SLC12A9: variants seen among roughly 807,000 people sequenced by gnomAD.
SLC12A9 encodes solute carrier family 12 member 9.
A neutral mutation model predicts 66.0 loss-of-function variants in SLC12A9; 55 were observed. The observed-to-expected ratio is 0.83, with a 90% confidence interval of 0.67 to 1.04. SLC12A9 has a LOEUF of 1.04. Ranked by LOEUF, SLC12A9 falls within the 50% of genes least tolerant of loss-of-function variation. The pLI is 0.00. For synonymous variants in SLC12A9, 577 were observed against 569.0 expected (o/e 1.01, Z -0.20); for missense variants, 1,061 against 1,241.9 (o/e 0.85, Z 2.19).
chr7:100,865,725 T>A lies in SLC12A9; in HGVS notation c.1865T>A (p.Met622Lys). The change falls in exon 14 of 14, where the codon ATG becomes AAG. Residue 622 changes from methionine to lysine, a missense_variant. Coordinates refer to ENST00000354161, the MANE Select transcript of SLC12A9 (RefSeq NM_020246.4). Reference sequence around the variant, plus strand: ...TTCCCCGCTCTGCCCCCAGGTGGCATGAAGCCCAACACGTTGGTCCTAGGT... The same window carrying A: ...TTCCCCGCTCTGCCCCCAGGTGGCAAGAAGCCCAACACGTTGGTCCTAGGT... Reference protein sequence around the residue: ...HLLRISGLGGMKPNTLVLGFY... With the variant: ...HLLRISGLGGKKPNTLVLGFY... The A allele has an allele frequency of 1.9e-6, 3 of 1,606,684 alleles. No individual in the cohort carries two copies. Among genetic ancestry groups the A allele is most frequent in the African/African-American group, 1.3e-5 (1 of 74,846 alleles).
At position 100,856,497 on chromosome 7, in the gene SLC12A9, G is replaced by A. The variant is rs113204787; in HGVS notation, c.449-371G>A. The A allele has an allele frequency of 4.0e-3, 738 of 183,338 alleles. 5 individuals carry two copies. Among genetic ancestry groups the A allele is most frequent in the African/African-American group, 0.016 (689 of 42,188 alleles). 11.4% of individuals were successfully genotyped at this position (183,338 alleles called of 1,614,324 possible). A position where few individuals can be genotyped will look rare whatever the true frequency, so the allele number is the denominator to read the frequency against. The stretch of plus-strand genomic sequence containing the variant: ...TGTTGGGATTACAGGCGTGAGCCCC[G>A]GCGCCCTGCCCCTTCTTCTTTTTTT... On this transcript the variant is annotated intron_variant, in intron 4 of 13. Transcript: ENST00000354161.
intron 1 of SLC12A9, 72 bp from the exon 2 acceptor site, chr7:100,854,084 T>C (rs1430198665): frequency 1.0e-6 from 1 of 991,062 alleles, no homozygotes; most frequent in Admixed American, 3.0e-5. Context: ...CTTCAGGGTG[T>C]TTGATTAGTG....
chr7:100,855,533 G>A (rs1466792592), intron 3 of SLC12A9, 173 bp from the exon 4 acceptor site: 1 of 761,092 alleles, frequency 1.3e-6, no homozygotes, highest in African/African-American at 1.7e-5. Flanking sequence ...CATCTGTTAG[G>A]CAGTGATTGT....
At chr7:100,832,584 A>G (rs911465681) in intron 1 of SLC12A9, among the ~76,000 whole-genome samples, 13 of 152,308 alleles carry the variant, frequency 8.5e-5, no homozygotes, top group African/African-American at 2.2e-4. Flanking sequence ...CAAAATCATC[A>G]TATGAAGAGA....
intron 1 of SLC12A9, among the ~76,000 whole-genome samples, chr7:100,831,936 T>C (rs188110501): frequency 2.0e-5 from 3 of 152,292 alleles, no homozygotes; most frequent in East Asian, 1.9e-4. Context: ...GTTTTGAAGG[T>C]GAGTTTCAGC....
At chr7:100,832,290 A>G (rs904158733) in intron 1 of SLC12A9, among the ~76,000 whole-genome samples, 1 of 152,188 alleles carries the variant, frequency 6.6e-6, no homozygotes. Context: ...GGATTGCTTG[A>G]GTCCTGGAGT....
rs1481716944 is a variant in SLC12A9 at position 100,839,550 on chromosome 7, C to G, written n.228+12503C>G. The stretch of plus-strand genomic sequence containing the variant: ...GGCTTAAGCCTGCCGTGTGGAACAT[C>G]CCTGCGGGCGACTCTAACTAGCCCG... On this transcript the variant is annotated intron_variant and non_coding_transcript_variant, in intron 1 of 1. Transcript: ENST00000461016. Among the ~76,000 whole-genome samples the G allele has an allele frequency of 1.2e-4, 18 of 152,198 alleles. 1 individual carries two copies. The highest frequency in any genetic ancestry group is 4.4e-5 in the Non-Finnish European group (3 of 68,026).
chr7:100,845,684 C>G (rs1159401282), intron 1 of SLC12A9, among the ~76,000 whole-genome samples: 1 of 152,166 alleles, frequency 6.6e-6, no homozygotes, highest in East Asian at 1.9e-4. Context: ...TTCCTACTGC[C>G]CATAAAAACA....
chr7:100,857,136 C>T lies in SLC12A9; in HGVS notation c.717C>T (p.Phe239=), dbSNP rs1178882913. The change falls in exon 5 of 14, where the codon TTC becomes TTT. Residue 239 remains phenylalanine (F), a synonymous_variant. Coordinates refer to ENST00000354161, the MANE Select transcript of SLC12A9 (RefSeq NM_020246.4). ...CCCTGCCGCCCCGGTTTGGCCACTT[C>T]ACCGGCTTCAACAGCAGTACCCTGA... ...GSSLPPRFGH[F]TGFNSSTLKD... 2 of 1,614,094 alleles carry T rather than the reference C, an allele frequency of 1.2e-6. No individual in the cohort carries two copies. Among genetic ancestry groups the T allele is most frequent in the East Asian group, 2.2e-5 (1 of 44,878 alleles).
At chr7:100,855,489 T>G in intron 3 of SLC12A9, 1 of 555,578 alleles carries the variant, frequency 1.8e-6, no homozygotes, top group Non-Finnish European at 3.2e-6. Flanking sequence ...AACATTGCCC[T>G]GCACGTTGAT....
chr7:100,862,298 A>G (rs1392866725), intron 12 of SLC12A9, among the ~76,000 whole-genome samples: 2 of 150,036 alleles, frequency 1.3e-5, no homozygotes, highest in Admixed American at 1.3e-4. Flanking sequence ...TTGCTCTGTC[A>G]CCCAGGCTGG....
intron 7 of SLC12A9, chr7:100,859,657 G>A (rs1045714865): frequency 1.3e-5 from 7 of 546,472 alleles, no homozygotes; most frequent in South Asian, 7.5e-5. Context: ...GCTGCAGTGA[G>A]CTATGATTAC....
intron 1 of SLC12A9, among the ~76,000 whole-genome samples, chr7:100,834,980 G>A (rs749203987): frequency 1.4e-4 from 22 of 151,858 alleles, no homozygotes; most frequent in Non-Finnish European, 2.9e-4. Flanking sequence ...GCAGTGAGCC[G>A]CCGTGATCAC....
intron 5 of SLC12A9, 198 bp downstream of exon 5, chr7:100,857,374 A>G (rs1430801272): frequency 1.6e-6 from 1 of 621,072 alleles, no homozygotes; most frequent in South Asian, 2.1e-5. Flanking sequence ...CCCACAAAAC[A>G]GTCCCTGCTT....
intron 1 of SLC12A9, among the ~76,000 whole-genome samples, chr7:100,837,860 T>TG (rs1562981204): frequency 3.4e-4 from 47 of 139,426 alleles, no homozygotes; most frequent in African/African-American, 1.3e-3. Context: ...AATTTTTTTT[T>TG]TTTTTTTTTT....
intron 5 of SLC12A9, chr7:100,857,963 A>C (rs1309282255): frequency 6.6e-6 from 1 of 152,148 alleles, no homozygotes; most frequent in Non-Finnish European, 1.5e-5. Context: ...TAAAAATACA[A>C]AAATTAGCCA....
At chr7:100,827,167 G>T in intron 1 of SLC12A9, 1 of 848,130 alleles carries the variant, frequency 1.2e-6, no homozygotes, top group Non-Finnish European at 1.6e-6. Flanking sequence ...GGGCCCATGC[G>T]AGCGTGCGGG....
chr7:100,851,805 AAGG>A (rs1416881175), upstream of SLC12A9, among the ~76,000 whole-genome samples: 2 of 150,804 alleles, frequency 1.3e-5, no homozygotes, highest in Non-Finnish European at 3.0e-5. Context: ...AAAAAAAAAA[AAGG>A]AAATGTATCT....
chr7:100,852,275 G>GC (rs1263257633), upstream of SLC12A9, among the ~76,000 whole-genome samples: 1 of 152,234 alleles, frequency 6.6e-6, no homozygotes, highest in Non-Finnish European at 1.5e-5. Flanking sequence ...CGGGTGAGGG[G>GC]CGAGGCTGGG....
Sources: gnomAD v4.1 joint callset for allele counts (sites outside exome capture counted in the v4.1 genomes callset) on GRCh38, gnomAD v4.1.1 for gene constraint, MANE v1.5 for transcripts, NCBI Gene and HGNC (gene_info 2026-07-23, HGNC 2026-07-21) for gene names.